The following ITSN1 variants were observed in gnomAD, a reference collection of about 807,000 sequenced individuals.
The protein encoded by ITSN1 is intersectin-1.
ITSN1 carries 58 observed loss-of-function variants against 239.8 expected under a neutral mutation model. That is an observed-to-expected ratio of 0.24 (90% CI 0.20 to 0.30). ITSN1 has a LOEUF of 0.30. Ranked by LOEUF, ITSN1 falls within the 10% of genes least tolerant of loss-of-function variation. The probability of loss-of-function intolerance (pLI) is 1.00; values close to 1 mark genes in which losing one functional copy is unlikely to be tolerated. For synonymous variants in ITSN1, 780 were observed against 770.8 expected (o/e 1.01, Z -0.20); for missense variants, 1,558 against 2,103.3 (o/e 0.74, Z 5.07).
At chr21:33,697,503 T>C (rs2091849514) in intron 1 of ITSN1, among the ~76,000 whole-genome samples, 1 of 152,132 alleles carries the variant, frequency 6.6e-6, no homozygotes, top group Non-Finnish European at 1.5e-5. Flanking sequence ...CAATTATTTG[T>C]GAAATTTTAA....
At chr21:33,702,093 ATTTTTTTTTTTTTTTTTTTTT>A (rs1162454097) in intron 1 of ITSN1, among the ~76,000 whole-genome samples, 22,872 of 148,408 alleles carry the variant, frequency 0.15, 2,643 homozygotes, top group East Asian at 0.26. Flanking sequence ...AAACAAAAAA[ATTTTTTTTTTTTTTTTTTTTT>A]TTTTTTTTTT....
intron 7 of ITSN1, among the ~76,000 whole-genome samples, chr21:33,752,885 G>C (rs1453286452): frequency 6.6e-6 from 1 of 150,888 alleles, no homozygotes; most frequent in Non-Finnish European, 1.5e-5. Flanking sequence ...ACTAGAAATT[G>C]TTAAGTGAAT....
chr21:33,814,050 C>G lies in ITSN1; in HGVS notation c.2705C>G (p.Ser902Cys), dbSNP rs1424758584. The change falls in exon 22 of 40, where the codon TCC (serine) becomes TGC (cysteine). Residue 902 changes from serine (S) to cysteine (C), a missense_variant. By Grantham distance (112) the Ser-to-Cys change is moderately radical. Coordinates refer to ENST00000381318, the MANE Select transcript of ITSN1 (RefSeq NM_003024.3). ...AFTPATATGS[S>C]PSPVLGQGEK... Reference sequence around the variant, plus strand: ...ACTCCAGCCACGGCCACTGGCTCCTCCCCGTCTCCTGTGCTAGGCCAGGTA... The same window carrying G: ...ACTCCAGCCACGGCCACTGGCTCCTGCCCGTCTCCTGTGCTAGGCCAGGTA... 7 of 1,614,062 alleles carry G rather than the reference C, an allele frequency of 4.3e-6. No homozygotes were observed. In the African/African-American group the frequency reaches 5.3e-5, roughly 12 times the overall value.
intron 5 of ITSN1, chr21:33,735,448 A>T: frequency 2.0e-6 from 1 of 507,464 alleles, no homozygotes; most frequent in Non-Finnish European, 3.5e-6. Flanking sequence ...GGGGAAAAGG[A>T]AGAAACTTAC....
chr21:33,837,905 CCA>C lies in ITSN1; in HGVS notation c.3661+1276_3661+1277del. On this transcript the variant is annotated intron_variant, in intron 29 of 39. Coordinates refer to ENST00000381318, the MANE Select transcript of ITSN1 (RefSeq NM_003024.3). Reference sequence around the variant, plus strand: ...CTGAGGTCGTTACGATCAACGATATCCACAGTCTCTTTTTAGTCTCTGTTACA... The same window carrying C: ...CTGAGGTCGTTACGATCAACGATATCCAGTCTCTTTTTAGTCTCTGTTACA... The C allele has an allele frequency of 5.1e-6, 5 of 985,820 alleles. No individual in the cohort carries two copies. The South Asian group carries it at 1.4e-4, about 28-fold the overall frequency. 61.1% of individuals were successfully genotyped at this position (985,820 alleles called of 1,614,324 possible). A position where few individuals can be genotyped will look rare whatever the true frequency, so the allele number is the denominator to read the frequency against.
At chr21:33,885,643 G>A (rs1448278016) in intron 38 of ITSN1, 121 bp downstream of exon 38, 1 of 765,118 alleles carries the variant, frequency 1.3e-6, no homozygotes, top group Non-Finnish European at 2.2e-6. Flanking sequence ...TCTCCTTCCA[G>A]AATTGGTTTA....
chr21:33,857,466 C>T (rs1263215773), intron 30 of ITSN1, among the ~76,000 whole-genome samples: 1 of 152,202 alleles, frequency 6.6e-6, no homozygotes, highest in Non-Finnish European at 1.5e-5. Context: ...GCTCAGCAGG[C>T]CTTTTGTCCA....
At chr21:33,699,714 A>G (rs2091929571) in intron 1 of ITSN1, among the ~76,000 whole-genome samples, 1 of 152,186 alleles carries the variant, frequency 6.6e-6, no homozygotes, top group African/African-American at 2.4e-5. Flanking sequence ...GCCAGGTCCT[A>G]TCTCAAAAAA....
intron 24 of ITSN1, 71 bp downstream of exon 24, chr21:33,819,394 G>C: frequency 7.3e-6 from 8 of 1,098,806 alleles, no homozygotes; most frequent in South Asian, 1.3e-5. Flanking sequence ...AAATGAGATT[G>C]AATTTCATCT....
intron 4 of ITSN1, among the ~76,000 whole-genome samples, chr21:33,726,222 G>A (rs2065825372): frequency 6.6e-6 from 1 of 152,100 alleles, no homozygotes; most frequent in South Asian, 2.1e-4. Flanking sequence ...TCGAACTCCT[G>A]ACCTGAAGTG....
chr21:33,890,486 C>A lies in ITSN1; in HGVS notation c.*2186C>A, dbSNP rs999136374. 5.3e-5 allele frequency: 8 copies of A among 152,234 alleles called. No individual in the cohort carries two copies. 9.4% of individuals were successfully genotyped at this position (152,234 alleles called of 1,614,324 possible). A position where few individuals can be genotyped will look rare whatever the true frequency, so the allele number is the denominator to read the frequency against. On this transcript the variant is annotated 3_prime_UTR_variant, in exon 40 of 40. Coordinates refer to ENST00000381318, the MANE Select transcript of ITSN1 (RefSeq NM_003024.3). The stretch of plus-strand genomic sequence containing the variant: ...TAGCATGAGAAAGCAATATGTGACT[C>A]TTTTTCCTCAAGTGACTCTGTTGAG...
chr21:33,837,886 T>G, intron 29 of ITSN1: 1 of 985,874 alleles, frequency 1.0e-6, no homozygotes, highest in South Asian at 4.7e-5. Context: ...ACCACTGAGG[T>G]CGTTACGATC....
rs754087404 is a variant in ITSN1 at position 33,817,279 on chromosome 21, C to G, written c.2728-988C>G. 9.2e-6 allele frequency: 12 copies of G among 1,304,276 alleles called. No homozygotes were observed. In the African/African-American group the frequency reaches 1.7e-4, roughly 18 times the overall value. 80.8% of individuals were successfully genotyped at this position (1,304,276 alleles called of 1,614,324 possible). A position where few individuals can be genotyped will look rare whatever the true frequency, so the allele number is the denominator to read the frequency against. ...CATGAGACTAGGCCACATGCAGCCC[C>G]GGATTGTGCTTCTCTTCCCGGACCC... On this transcript the variant is annotated intron_variant, in intron 22 of 39. Transcript: ENST00000381318.
intron 29 of ITSN1, among the ~76,000 whole-genome samples, chr21:33,840,553 G>C (rs1000409608): frequency 6.6e-6 from 1 of 152,038 alleles, no homozygotes; most frequent in Non-Finnish European, 1.5e-5. Flanking sequence ...GTAGAGACAG[G>C]GTTTCACCAT....
In ITSN1 at chr21:33,786,770, G is replaced by T. The variant is rs901159923; in HGVS notation, c.1824+4637G>T. On this transcript the variant is annotated intron_variant, in intron 16 of 39. Transcript: ENST00000381318. ...CCTTGTTGGTTCCTGTCTAGTCAGT[G>T]TGTACTGGACAAGTCCTAATGTGAA... Among the ~76,000 whole-genome samples, 3 of 152,328 alleles carry T rather than the reference G, an allele frequency of 2.0e-5. No individual in the cohort carries two copies. The South Asian group carries it at 6.2e-4, about 32-fold the overall frequency.
At chr21:33,715,995 A>C (rs1169039016) in intron 1 of ITSN1, among the ~76,000 whole-genome samples, 1 of 152,202 alleles carries the variant, frequency 6.6e-6, no homozygotes, top group African/African-American at 2.4e-5. Flanking sequence ...TAAAGGAGAC[A>C]GTGACCAAAG....
chr21:33,883,659 G>T lies in ITSN1; in HGVS notation c.4664G>T (p.Ser1555Ile). ...IDRVYTLRAE[S>I]INERTAWVQK... ...CGCGTCTATACTCTCCGAGCAGAAA[G>T]CATAAATGAAAGGTGAGACCTGCCG... The change falls in exon 36 of 40, where the codon AGC becomes ATC. Residue 1555 changes from serine (S) to isoleucine (I), a missense_variant. Ser to Ile is a moderately radical substitution (Grantham distance 142, BLOSUM62 -2). Around this residue, in one of 2 missense-constraint regions of ITSN1, gnomAD observed 576 missense variants for 893.3 expected, o/e 0.64. Transcript: ENST00000381318. 2 of 1,613,414 alleles carry T rather than the reference G, an allele frequency of 1.2e-6. No individual in the cohort carries two copies. Among genetic ancestry groups the T allele is most frequent in the Non-Finnish European group, 1.7e-6 (2 of 1,179,552 alleles).
intron 29 of ITSN1, chr21:33,838,186 C>G (rs553892668): frequency 1.0e-6 from 1 of 985,392 alleles, no homozygotes; most frequent in South Asian, 4.7e-5. Context: ...GCCTGCTGCT[C>G]ACAGCACAGA....
intron 4 of ITSN1, among the ~76,000 whole-genome samples, chr21:33,734,368 G>A (rs2066368331): frequency 6.6e-6 from 1 of 152,154 alleles, no homozygotes; most frequent in African/African-American, 2.4e-5. Context: ...GTGTATATTT[G>A]AGTACCATTT....
Sources: gnomAD v4.1 joint callset for allele counts (sites outside exome capture counted in the v4.1 genomes callset) on GRCh38, gnomAD v4.1.1 for gene constraint, gnomAD v4.1.1 regional missense constraint, MANE v1.5 for transcripts, NCBI Gene and HGNC (gene_info 2026-07-23, HGNC 2026-07-21) for gene names.